The following MYO1D variants were observed in gnomAD, a reference collection of about 807,000 sequenced individuals.
MYO1D encodes unconventional myosin-Id.
Under a neutral mutation model 122.0 loss-of-function variants are expected in MYO1D, and 83 were observed. The observed-to-expected ratio is 0.68, with a 90% CI of 0.57 to 0.82. MYO1D has a LOEUF of 0.82. MYO1D is among the 40% of genes least tolerant of loss of function. MYO1D has a pLI of 0.00. For synonymous variants in MYO1D, 464 were observed against 446.9 expected, an observed-to-expected ratio of 1.04 and a Z score of -0.48; for missense variants, 1,157 against 1,269.5, an observed-to-expected ratio of 0.91 and a Z score of 1.35.
intron 1 of MYO1D, among the ~76,000 whole-genome samples, chr17:32,864,450 GGCAA>G (rs2091106625): frequency 6.7e-6 from 1 of 150,330 alleles, no homozygotes; most frequent in Non-Finnish European, 1.5e-5. Context: ...AACTGGCTAA[GGCAA>G]GCAACATCAT....
chr17:32,538,436 C>T (rs1347156265), intron 21 of MYO1D, among the ~76,000 whole-genome samples: 1 of 151,366 alleles, frequency 6.6e-6, no homozygotes, highest in African/African-American at 2.4e-5. Context: ...AGGTATGCAA[C>T]ACTGCACCTG....
intron 21 of MYO1D, among the ~76,000 whole-genome samples, chr17:32,560,662 CA>C (rs1252067118): frequency 2.7e-5 from 4 of 148,796 alleles, no homozygotes; most frequent in Non-Finnish European, 5.9e-5. Context: ...CTCTGTCACC[CA>C]GCCTGGAGGG....
intron 16 of MYO1D, among the ~76,000 whole-genome samples, chr17:32,695,406 A>C (rs2089159698): frequency 6.6e-6 from 1 of 152,190 alleles, no homozygotes; most frequent in African/African-American, 2.4e-5. Flanking sequence ...CCAGTCTGCC[A>C]CTTGGGGATT....
chr17:32,654,381 G>T, intron 18 of MYO1D, 96 bp downstream of exon 18: 1 of 1,315,076 alleles, frequency 7.6e-7, no homozygotes, highest in Non-Finnish European at 1.0e-6. Context: ...GTTTCTAAAA[G>T]TGTTTTATCC....
At chr17:32,678,197 G>C (rs2088851014) in intron 16 of MYO1D, among the ~76,000 whole-genome samples, 1 of 151,604 alleles carries the variant, frequency 6.6e-6, no homozygotes, top group Non-Finnish European at 1.5e-5. Context: ...ATAGGTCCCA[G>C]CTTAATAGCA....
intron 21 of MYO1D, among the ~76,000 whole-genome samples, chr17:32,523,919 A>T (rs1192809292): frequency 1.3e-5 from 2 of 152,154 alleles, no homozygotes; most frequent in Non-Finnish European, 2.9e-5. Context: ...CAGTTTCCTC[A>T]GCCATGAAAT....
chr17:32,576,370 G>T (rs1328879861), intron 21 of MYO1D, among the ~76,000 whole-genome samples: 4 of 152,082 alleles, frequency 2.6e-5, no homozygotes, highest in African/African-American at 9.7e-5. Context: ...AACTACCAAG[G>T]ACAATTTCTG....
chr17:32,757,589 C>T lies in MYO1D; in HGVS notation c.1297-1927G>A, dbSNP rs533275790. Among the ~76,000 whole-genome samples the T allele has an allele frequency of 2.6e-5, 4 of 152,162 alleles. No homozygotes were observed. In the East Asian group the frequency reaches 7.7e-4, roughly 29 times the overall value. On this transcript the variant is annotated intron_variant, in intron 10 of 21. Transcript: ENST00000318217. ...CTTTGGAAAAAAAATCCTAAAAATA[C>T]TCAAAAAGCAGGAGCTCTATATTAA...
chr17:32,613,914 G>T (rs1035093546), intron 20 of MYO1D, among the ~76,000 whole-genome samples: 1 of 150,946 alleles, frequency 6.6e-6, no homozygotes, highest in South Asian at 2.1e-4. Context: ...GGTCAGGCTC[G>T]CTGGCTTTCA....
chr17:32,613,168 T>TTA (rs1183328132), intron 20 of MYO1D, among the ~76,000 whole-genome samples: 22 of 152,208 alleles, frequency 1.4e-4, no homozygotes, highest in Admixed American at 1.4e-3. Context: ...AGTTTTTTTT[T>TTA]AGATTATCAG....
intron 1 of MYO1D, among the ~76,000 whole-genome samples, chr17:32,828,113 A>C (rs2090738592): frequency 6.6e-6 from 1 of 152,202 alleles, no homozygotes; most frequent in African/African-American, 2.4e-5. Context: ...GCTGACGTGG[A>C]AGCCAGGGAT....
intron 21 of MYO1D, among the ~76,000 whole-genome samples, chr17:32,520,513 C>T (rs370836633): frequency 2.0e-4 from 31 of 152,242 alleles, no homozygotes; most frequent in African/African-American, 6.5e-4. Context: ...ACATATCTGT[C>T]CTGGGTCTGG....
intron 7 of MYO1D, 61 bp from the exon 8 acceptor site, chr17:32,765,142 A>G (rs1381826212): frequency 7.2e-7 from 1 of 1,385,596 alleles, no homozygotes; most frequent in Non-Finnish European, 1.0e-6. Context: ...TATATTTGCC[A>G]ATATAAAATA....
intron 1 of MYO1D, among the ~76,000 whole-genome samples, chr17:32,833,717 G>A (rs964716718): frequency 6.6e-6 from 1 of 151,978 alleles, no homozygotes; most frequent in Non-Finnish European, 1.5e-5. Context: ...AGCCTTACTG[G>A]CCACCTCCTT....
intron 1 of MYO1D, among the ~76,000 whole-genome samples, chr17:32,865,345 T>C (rs527610873): frequency 3.0e-4 from 45 of 152,110 alleles, no homozygotes; most frequent in Non-Finnish European, 5.4e-4. Context: ...GCGAAATTTG[T>C]TTGCTTCATT....
At chr17:32,507,892 C>CTTTTTT (rs34271237) in intron 21 of MYO1D, among the ~76,000 whole-genome samples, 1 of 109,314 alleles carries the variant, frequency 9.1e-6, no homozygotes, top group Non-Finnish European at 1.8e-5. Context: ...CCATGCTGGA[C>CTTTTTT]TTTTTTTTTT....
chr17:32,735,232 C>T (rs2089687430), intron 14 of MYO1D, among the ~76,000 whole-genome samples: 1 of 152,064 alleles, frequency 6.6e-6, no homozygotes, highest in Non-Finnish European at 1.5e-5. Context: ...CTCTGTTGCC[C>T]AGGCTGGAAT....
At chr17:32,568,052 G>A (rs943091822) in intron 21 of MYO1D, among the ~76,000 whole-genome samples, 6 of 151,728 alleles carry the variant, frequency 4.0e-5, no homozygotes, top group South Asian at 4.1e-4. Context: ...CCTAGAAAAA[G>A]GTCACGCAAA....
Position 32,620,052 on chromosome 17 carries a change from G to A in MYO1D, c.2710-14811C>T, listed in dbSNP as rs113099381. On this transcript the variant is annotated intron_variant, in intron 20 of 21. Transcript: ENST00000318217. The stretch of plus-strand genomic sequence containing the variant: ...AGGTGAGGACAAATACTTTACTGCC[G>A]GATGGGAGTGGAAGTCCAGGCCCCT... Among the ~76,000 whole-genome samples, 153 of 152,272 alleles carry A rather than the reference G, an allele frequency of 1.0e-3. 1 individual carries two copies. Among genetic ancestry groups the A allele is most frequent in the Middle Eastern group, 6.8e-3 (2 of 294 alleles).
Sources: allele counts gnomAD v4.1 joint callset (sites outside exome capture counted in the v4.1 genomes callset), GRCh38; gene constraint gnomAD v4.1.1; transcripts MANE v1.5; gene names NCBI Gene and HGNC (gene_info 2026-07-23, HGNC 2026-07-21).